The following DOK6 variants were observed in gnomAD, a reference collection of about 807,000 sequenced individuals.
DOK6 encodes the protein docking protein 6.
DOK6 carries 22 observed loss-of-function variants against 44.0 expected under a neutral mutation model. The observed-to-expected ratio is 0.50, with a 90% CI of 0.36 to 0.71. The LOEUF (loss-of-function observed/expected upper bound fraction) is 0.71, where lower values mean the gene tolerates loss of function less well. Ranked by LOEUF, DOK6 falls within the 30% of genes least tolerant of loss-of-function variation. The pLI is 0.00. For missense variants in DOK6, 340 were observed against 416.4 expected (o/e 0.82, Z 1.60); for synonymous variants, 166 against 145.5 (o/e 1.14, Z -1.01).
intron 7 of DOK6, among the ~76,000 whole-genome samples, chr18:69,837,761 C>G (rs1174240719): frequency 3.3e-5 from 5 of 152,148 alleles, no homozygotes; most frequent in African/African-American, 1.2e-4. Flanking sequence ...GAACTCATGT[C>G]TGTCTGTTTC....
At chr18:69,573,844 G>A (rs1359540160) in intron 2 of DOK6, among the ~76,000 whole-genome samples, 1 of 151,236 alleles carries the variant, frequency 6.6e-6, no homozygotes, top group South Asian at 2.1e-4. Context: ...CCATCCTTTC[G>A]TTATTCTATA....
intron 1 of DOK6, among the ~76,000 whole-genome samples, chr18:69,495,980 G>A (rs896779680): frequency 5.9e-5 from 9 of 152,226 alleles, no homozygotes; most frequent in South Asian, 2.1e-4. Flanking sequence ...GGAAGGCAGC[G>A]AAAGCAGACA....
intron 3 of DOK6, among the ~76,000 whole-genome samples, chr18:69,642,886 T>G (rs1052616348): frequency 2.6e-5 from 4 of 152,232 alleles, no homozygotes; most frequent in African/African-American, 9.6e-5. Context: ...CTCACAAACT[T>G]AAACCCTATA....
intron 5 of DOK6, among the ~76,000 whole-genome samples, chr18:69,720,921 G>A (rs781274107): frequency 5.9e-5 from 9 of 152,072 alleles, no homozygotes; most frequent in Non-Finnish European, 1.2e-4. Context: ...CCAGAACGGA[G>A]GGAATTTTTT....
chr18:69,673,275 T>C (rs1160006328), intron 3 of DOK6, among the ~76,000 whole-genome samples: 1 of 152,192 alleles, frequency 6.6e-6, no homozygotes, highest in Non-Finnish European at 1.5e-5. Flanking sequence ...TGTTTTCAAA[T>C]GTAGCTCATT....
intron 7 of DOK6, among the ~76,000 whole-genome samples, chr18:69,835,679 C>A (rs962460985): frequency 5.3e-5 from 8 of 152,166 alleles, no homozygotes; most frequent in Admixed American, 1.3e-4. Flanking sequence ...ACAGCGTCTC[C>A]TCTGTGTCTA....
intron 4 of DOK6, among the ~76,000 whole-genome samples, chr18:69,694,045 C>A (rs990563702): frequency 9.5e-6 from 1 of 104,988 alleles, no homozygotes; most frequent in East Asian, 3.0e-4. Flanking sequence ...GGCGACAGAG[C>A]GAGACTCCGT....
At chr18:69,737,057 G>A (rs929010321) in intron 5 of DOK6, among the ~76,000 whole-genome samples, 6 of 152,128 alleles carry the variant, frequency 3.9e-5, no homozygotes, top group Non-Finnish European at 8.8e-5. Context: ...GTATTGGCTT[G>A]TTACCACAAG....
chr18:69,652,860 A>G (rs576040808), intron 3 of DOK6, among the ~76,000 whole-genome samples: 1 of 152,290 alleles, frequency 6.6e-6, no homozygotes, highest in Admixed American at 6.5e-5. Flanking sequence ...CATAGAGATG[A>G]TTCTAGCTGC....
At chr18:69,418,257 A>T (rs769329980) in intron 1 of DOK6, among the ~76,000 whole-genome samples, 5 of 152,016 alleles carry the variant, frequency 3.3e-5, no homozygotes, top group Non-Finnish European at 7.4e-5. Flanking sequence ...GTCCAGTTTC[A>T]TTCTTCTGTC....
At chr18:69,772,995 A>C (rs1979933787) in intron 7 of DOK6, among the ~76,000 whole-genome samples, 1 of 152,014 alleles carries the variant, frequency 6.6e-6, no homozygotes, top group African/African-American at 2.4e-5. Context: ...ACTCAATAGC[A>C]AAAAACACCT....
At chr18:69,778,548 C>G (rs904428228) in intron 7 of DOK6, among the ~76,000 whole-genome samples, 2 of 152,128 alleles carry the variant, frequency 1.3e-5, no homozygotes, top group African/African-American at 4.8e-5. Flanking sequence ...CCACTGTAAA[C>G]TACATGGCTG....
chr18:69,417,900 T>G (rs1014140845), intron 1 of DOK6, among the ~76,000 whole-genome samples: 1 of 152,132 alleles, frequency 6.6e-6, no homozygotes, highest in Non-Finnish European at 1.5e-5. Flanking sequence ...TTTAATCAGA[T>G]TGTTTGTTTA....
intron 2 of DOK6, among the ~76,000 whole-genome samples, chr18:69,594,553 T>C (rs1328895777): frequency 2.1e-5 from 3 of 145,738 alleles, no homozygotes; most frequent in Admixed American, 1.4e-4. Context: ...CCTCCTATTC[T>C]ACATAGCACT....
At chr18:69,550,036 G>T (rs945468714) in intron 1 of DOK6, among the ~76,000 whole-genome samples, 1 of 150,898 alleles carries the variant, frequency 6.6e-6, no homozygotes, top group Admixed American at 6.6e-5. Context: ...AGTTTATAAA[G>T]TGTAATCATC....
chr18:69,406,697 G>T (rs557662601), intron 1 of DOK6, among the ~76,000 whole-genome samples: 21 of 152,162 alleles, frequency 1.4e-4, no homozygotes, highest in Non-Finnish European at 3.1e-4. Context: ...ATCTTTCTAC[G>T]ATCTACATTC....
At chr18:69,438,307 A>T (rs1439355670) in intron 1 of DOK6, among the ~76,000 whole-genome samples, 3 of 152,230 alleles carry the variant, frequency 2.0e-5, no homozygotes, top group Admixed American at 2.0e-4. Context: ...CATCTTCATC[A>T]TGAGTAGATT....
At chr18:69,811,524 T>TTATATATATA (rs57486782) in intron 7 of DOK6, among the ~76,000 whole-genome samples, 4 of 93,746 alleles carry the variant, frequency 4.3e-5, no homozygotes, top group Non-Finnish European at 6.1e-5. Context: ...AACCATTCCA[T>TTATATATATA]TATATATATA....
intron 1 of DOK6, among the ~76,000 whole-genome samples, chr18:69,473,556 G>A (rs1353384339): frequency 1.3e-5 from 2 of 152,084 alleles, no homozygotes; most frequent in Non-Finnish European, 2.9e-5. Context: ...TGTATTTTCT[G>A]TCTGGAGTCT....
Sources: gnomAD v4.1 joint callset for allele counts (sites outside exome capture counted in the v4.1 genomes callset) on GRCh38, gnomAD v4.1.1 for gene constraint, MANE v1.5 for transcripts, NCBI Gene and HGNC (gene_info 2026-07-23, HGNC 2026-07-21) for gene names.